THSD7A: variants seen among roughly 807,000 people sequenced by gnomAD.
THSD7A encodes thrombospondin type 1 domain containing 7A.
Under a neutral mutation model 231.3 loss-of-function variants are expected in THSD7A, and 96 were observed. That is an observed-to-expected ratio of 0.41 (90% CI 0.35 to 0.49). The LOEUF (loss-of-function observed/expected upper bound fraction) is 0.49, where lower values mean the gene tolerates loss of function less well. THSD7A is among the 20% of genes least tolerant of loss of function. The pLI is 0.05. For synonymous variants in THSD7A, 940 were observed against 743.3 expected (o/e 1.26, Z -4.30); for missense variants, 2,290 against 2,070.2 (o/e 1.11, Z -2.06).
intron 1 of THSD7A, among the ~76,000 whole-genome samples, chr7:11,760,708 C>T (rs1379365629): frequency 6.6e-6 from 1 of 151,930 alleles, no homozygotes; most frequent in Non-Finnish European, 1.5e-5. Flanking sequence ...GAGGCTTTAG[C>T]ACATACTATG....
At chr7:11,678,204 G>C (rs1783719125) in intron 1 of THSD7A, among the ~76,000 whole-genome samples, 2 of 152,120 alleles carry the variant, frequency 1.3e-5, no homozygotes, top group African/African-American at 4.8e-5. Context: ...GGTGTCTAGA[G>C]GAAAATTTAT....
intron 4 of THSD7A, among the ~76,000 whole-genome samples, chr7:11,556,624 A>T (rs1789857449): frequency 6.6e-6 from 1 of 151,808 alleles, no homozygotes; most frequent in African/African-American, 2.4e-5. Flanking sequence ...TTATTTAGTG[A>T]ACTTTCTTTA....
intron 6 of THSD7A, among the ~76,000 whole-genome samples, chr7:11,515,100 A>G (rs1052315565): frequency 1.3e-4 from 20 of 152,204 alleles, no homozygotes; most frequent in Admixed American, 1.2e-3. Context: ...AACTAATGGG[A>G]AATCACATCT....
At chr7:11,689,414 C>A (rs982168781) in intron 1 of THSD7A, among the ~76,000 whole-genome samples, 7 of 151,758 alleles carry the variant, frequency 4.6e-5, no homozygotes, top group Non-Finnish European at 1.0e-4. Context: ...GAGTAGAAAC[C>A]ACTTCTGTGA....
rs1035737747 is a variant in THSD7A at position 11,634,115 on chromosome 7, A to G, written c.1022+2015T>C. On this transcript the variant is annotated intron_variant, in intron 2 of 27. Transcript: ENST00000423059. The surrounding 1 kb of genome is among the most constrained non-coding windows in gnomAD (Gnocchi z 4.1). ...TTCTCTAGGACTTTCTTGATCACAC[A>G]TGATAATTCATATATAATAGAAATA... Among the ~76,000 whole-genome samples the G allele has an allele frequency of 6.6e-6, 1 of 152,140 alleles. No homozygotes were observed. Among genetic ancestry groups the G allele is most frequent in the African/African-American group, 2.4e-5 (1 of 41,446 alleles).
At chr7:11,745,324 T>C in intron 1 of THSD7A, among the ~76,000 whole-genome samples, 1 of 152,130 alleles carries the variant, frequency 6.6e-6, no homozygotes, top group African/African-American at 2.4e-5. Context: ...TTTGAGTTCA[T>C]TGTGGATTCT....
intron 4 of THSD7A, among the ~76,000 whole-genome samples, chr7:11,570,894 A>T (rs1322999119): frequency 6.6e-6 from 1 of 152,204 alleles, no homozygotes; most frequent in Non-Finnish European, 1.5e-5. Flanking sequence ...TTAGAGGTAG[A>T]TCCAAAACAA....
chr7:11,787,333 C>A (rs1783822977), intron 1 of THSD7A, among the ~76,000 whole-genome samples: 1 of 151,966 alleles, frequency 6.6e-6, no homozygotes, highest in Non-Finnish European at 1.5e-5. Context: ...GGGAGAAAAT[C>A]TAAATGACTT....
At chr7:11,720,708 C>A (rs1248107839) in intron 1 of THSD7A, among the ~76,000 whole-genome samples, 2 of 151,762 alleles carry the variant, frequency 1.3e-5, no homozygotes, top group Non-Finnish European at 2.9e-5. Flanking sequence ...ACCATGGCTA[C>A]TATAGACATC....
chr7:11,637,174 C>A lies in THSD7A; in HGVS notation c.191-213G>T, dbSNP rs2128360961. ...TCACAGAGTCTATATAAGGTAACTT[C>A]TGGGACAATTTCACTTTGGGTCCTT... On this transcript the variant is annotated intron_variant, in intron 1 of 27. Transcript: ENST00000423059. The surrounding 1 kb of genome is among the most constrained non-coding windows in gnomAD (Gnocchi z 4.2). Among the ~76,000 whole-genome samples, 1 of 152,280 alleles carries A rather than the reference C, an allele frequency of 6.6e-6. No individual in the cohort carries two copies. Among genetic ancestry groups the A allele is most frequent in the East Asian group, 1.9e-4 (1 of 5,184 alleles).
chr7:11,825,778 T>C (rs1475610450), intron 1 of THSD7A, among the ~76,000 whole-genome samples: 5 of 152,170 alleles, frequency 3.3e-5, no homozygotes, highest in African/African-American at 1.2e-4. Flanking sequence ...TTTCCATCCA[T>C]GATGCCCCAG....
intron 1 of THSD7A, among the ~76,000 whole-genome samples, chr7:11,716,869 A>C (rs10499412): frequency 6.6e-6 from 1 of 151,306 alleles, no homozygotes; most frequent in African/African-American, 2.4e-5. Context: ...TAATACAAAC[A>C]TAAGACAATT....
chr7:11,601,744 A>G (rs1265798049), intron 2 of THSD7A, among the ~76,000 whole-genome samples: 2 of 152,160 alleles, frequency 1.3e-5, no homozygotes, highest in Admixed American at 6.5e-5. Context: ...AGACGTCTGA[A>G]TCTTAAGAAT....
rs565610817 is a variant in THSD7A, at chr7:11,423,515, C to A, written c.3383+1181G>T. Among the ~76,000 whole-genome samples, 15 of 151,946 alleles carry A rather than the reference C, an allele frequency of 9.9e-5. No individual in the cohort carries two copies. In the East Asian group the frequency reaches 2.9e-3, roughly 30 times the overall value. On this transcript the variant is annotated intron_variant, in intron 16 of 27. Coordinates refer to ENST00000423059, the MANE Select transcript of THSD7A (RefSeq NM_015204.3). ...TCCCGAGTAGCTGGGACTACAGGTG[C>A]CCGCCGCCACGCCCAGCTAATTTTT...
chr7:11,520,906 T>G (rs1006192417), intron 6 of THSD7A, among the ~76,000 whole-genome samples: 2 of 152,158 alleles, frequency 1.3e-5, no homozygotes, highest in Non-Finnish European at 2.9e-5. Flanking sequence ...GTGAAATCAA[T>G]TTTAGCCATG....
At chr7:11,475,569 T>C (rs1047812518) in intron 7 of THSD7A, among the ~76,000 whole-genome samples, 4 of 147,884 alleles carry the variant, frequency 2.7e-5, no homozygotes, top group Non-Finnish European at 4.5e-5. Context: ...ATATAACATA[T>C]ATGTATATAT....
chr7:11,558,031 C>T (rs1366100434), intron 4 of THSD7A, among the ~76,000 whole-genome samples: 1 of 152,018 alleles, frequency 6.6e-6, no homozygotes, highest in African/African-American at 2.4e-5. Context: ...TTTTATTTGT[C>T]CTTTGGCTAG....
chr7:11,657,074 T>A (rs969904032), intron 1 of THSD7A, among the ~76,000 whole-genome samples: 2 of 151,772 alleles, frequency 1.3e-5, no homozygotes, highest in Non-Finnish European at 2.9e-5. Context: ...ATATGATGTA[T>A]GCCTTAGCAA....
chr7:11,805,581 C>T (rs540741388), intron 1 of THSD7A, among the ~76,000 whole-genome samples: 2 of 151,960 alleles, frequency 1.3e-5, no homozygotes, highest in Non-Finnish European at 2.9e-5. Context: ...AATATAATTT[C>T]CTTATATATT....
Sources: allele counts gnomAD v4.1 joint callset (sites outside exome capture counted in the v4.1 genomes callset), GRCh38; gene constraint gnomAD v4.1.1; non-coding constraint Gnocchi (gnomAD v3.1); transcripts MANE v1.5; gene names NCBI Gene and HGNC (gene_info 2026-07-23, HGNC 2026-07-21).